Variants in MACROH2A2 observed in about 807,000 individuals in gnomAD.
MACROH2A2 encodes the protein core histone macro-H2A.2.
A neutral mutation model predicts 37.6 loss-of-function variants in MACROH2A2; 6 were observed. The ratio of observed to expected loss-of-function variants is 0.16; its 90% CI spans 0.09 to 0.32. The LOEUF is 0.32. Ranked by LOEUF, MACROH2A2 falls within the 10% of genes least tolerant of loss-of-function variation. The pLI is 1.00. For missense variants in MACROH2A2, 290 were observed against 485.9 expected (o/e 0.60, Z 3.79); for synonymous variants, 192 against 202.7 (o/e 0.95, Z 0.45).
intron 6 of MACROH2A2, among the ~76,000 whole-genome samples, chr10:70,096,276 T>C (rs2072275778): frequency 6.6e-6 from 1 of 152,226 alleles, no homozygotes; most frequent in Non-Finnish European, 1.5e-5. Flanking sequence ...TTTTCCTTGC[T>C]CTGTAGTATT....
intron 2 of MACROH2A2, among the ~76,000 whole-genome samples, chr10:70,080,885 CAAAAAAAAAAAAAAAAA>C (rs149608498): frequency 3.1e-5 from 1 of 31,972 alleles, no homozygotes; most frequent in African/African-American, 1.4e-4. Flanking sequence ...AACTCCATCT[CAAAAAAAAAAAAAAAAA>C]AAAAAAAAAA....
intron 1 of MACROH2A2, among the ~76,000 whole-genome samples, chr10:70,062,470 T>G (rs1305223597): frequency 6.6e-6 from 1 of 152,242 alleles, no homozygotes; most frequent in African/African-American, 2.4e-5. Context: ...AAAACAATGT[T>G]TAAAGTTTTT....
At chr10:70,069,162 A>G (rs2072094737) in intron 1 of MACROH2A2, among the ~76,000 whole-genome samples, 1 of 152,122 alleles carries the variant, frequency 6.6e-6, no homozygotes, top group Admixed American at 6.6e-5. Flanking sequence ...ATAAAATCTA[A>G]CCTGTCGGTG....
chr10:70,070,640 C>T (rs912206520), intron 1 of MACROH2A2, among the ~76,000 whole-genome samples: 4 of 152,166 alleles, frequency 2.6e-5, no homozygotes, highest in African/African-American at 4.8e-5. Context: ...TACAGGCACC[C>T]GCCACCACGC....
intron 2 of MACROH2A2, among the ~76,000 whole-genome samples, chr10:70,089,212 T>C (rs952763075): frequency 6.6e-6 from 1 of 152,226 alleles, no homozygotes; most frequent in African/African-American, 2.4e-5. Flanking sequence ...CCCCACAGAC[T>C]GAGAGGAATT....
intron 5 of MACROH2A2, among the ~76,000 whole-genome samples, chr10:70,094,419 C>A (rs1273745224): frequency 2.0e-5 from 3 of 152,148 alleles, no homozygotes; most frequent in Admixed American, 6.5e-5. Flanking sequence ...TTCATTCCTA[C>A]AAGTGTAAAG....
At chr10:70,058,676 C>G (rs1489090351) in intron 1 of MACROH2A2, among the ~76,000 whole-genome samples, 1 of 151,930 alleles carries the variant, frequency 6.6e-6, no homozygotes, top group Non-Finnish European at 1.5e-5. Flanking sequence ...AATTTTGTAA[C>G]TTGTATTTTG....
At chr10:70,068,726 C>T (rs1211190496) in intron 1 of MACROH2A2, among the ~76,000 whole-genome samples, 1 of 152,202 alleles carries the variant, frequency 6.6e-6, no homozygotes, top group East Asian at 1.9e-4. Context: ...CCCACAGAGG[C>T]CAACTATGGC....
chr10:70,094,909 C>T (rs2072265779), intron 5 of MACROH2A2, among the ~76,000 whole-genome samples: 2 of 152,158 alleles, frequency 1.3e-5, no homozygotes, highest in South Asian at 4.1e-4. Flanking sequence ...GGCTTCAGAG[C>T]CCTGCCCCAC....
At chr10:70,099,834 A>G (rs1175845449) in intron 6 of MACROH2A2, among the ~76,000 whole-genome samples, 2 of 152,172 alleles carry the variant, frequency 1.3e-5, no homozygotes, top group Non-Finnish European at 2.9e-5. Flanking sequence ...CAGTACGTTG[A>G]TGGCACTGTG....
rs1443161020 is a variant in MACROH2A2 at position 70,052,938 on chromosome 10, C to T, written c.-122C>T. 1 of 152,658 alleles carries T rather than the reference C, an allele frequency of 6.6e-6. No homozygotes were observed. Among genetic ancestry groups the T allele is most frequent in the Non-Finnish European group, 1.5e-5 (1 of 68,216 alleles). 9.5% of individuals were successfully genotyped at this position (152,658 alleles called of 1,614,324 possible). ...CGGCACCGGCGCCGCGTGGGCCAAACCTGCGCCCGTGGAGGGGCGCGCAGA... is the reference window on the plus strand; with the variant it reads ...CGGCACCGGCGCCGCGTGGGCCAAATCTGCGCCCGTGGAGGGGCGCGCAGA... On this transcript the variant is annotated 5_prime_UTR_variant, in exon 1 of 9. Coordinates refer to ENST00000373255, the MANE Select transcript of MACROH2A2 (RefSeq NM_018649.3).
At chr10:70,079,583 A>G (rs1417576779) in intron 2 of MACROH2A2, among the ~76,000 whole-genome samples, 3 of 151,520 alleles carry the variant, frequency 2.0e-5, no homozygotes, top group African/African-American at 4.8e-5. Flanking sequence ...ACACACACAC[A>G]CACACACACA....
At chr10:70,084,900 C>A (rs1314193805) in intron 2 of MACROH2A2, among the ~76,000 whole-genome samples, 1 of 152,134 alleles carries the variant, frequency 6.6e-6, no homozygotes, top group Non-Finnish European at 1.5e-5. Flanking sequence ...CTAGGAGCAT[C>A]TTTTTCTAAT....
At chr10:70,067,064 A>G (rs547469919) in intron 1 of MACROH2A2, among the ~76,000 whole-genome samples, 2 of 152,358 alleles carry the variant, frequency 1.3e-5, no homozygotes, top group African/African-American at 4.8e-5. Context: ...GCTATTGGCC[A>G]GAAGCTCAAT....
intron 4 of MACROH2A2, 44 bp downstream of exon 4, chr10:70,091,998 A>G (rs78381857): frequency 0.05 from 72,072 of 1,437,226 alleles, 2,072 homozygotes; most frequent in Non-Finnish European, 0.058. Flanking sequence ...TCCCACTGCA[A>G]TGGTCTGAAT....
At chr10:70,058,927 C>T (rs180736672) in intron 1 of MACROH2A2, among the ~76,000 whole-genome samples, 50 of 147,994 alleles carry the variant, frequency 3.4e-4, no homozygotes, top group Non-Finnish European at 6.1e-4. Context: ...AACCCTATCA[C>T]GACTAAACTG....
At chr10:70,084,350 C>T (rs2072198272) in intron 2 of MACROH2A2, among the ~76,000 whole-genome samples, 2 of 152,178 alleles carry the variant, frequency 1.3e-5, no homozygotes, top group Admixed American at 1.3e-4. Context: ...TGAGAATTTC[C>T]AGCAGATGGT....
chr10:70,059,360 T>C (rs886285493), intron 1 of MACROH2A2, among the ~76,000 whole-genome samples: 10 of 150,230 alleles, frequency 6.7e-5, no homozygotes, highest in African/African-American at 2.4e-4. Flanking sequence ...CTGTTTTATA[T>C]ATTAGAGTAT....
At position 70,090,134 on chromosome 10, in the gene MACROH2A2, C is replaced by A; in HGVS notation, c.247C>A (p.Leu83Met). The A allele has an allele frequency of 1.2e-6, 2 of 1,613,410 alleles. No individual in the cohort carries two copies. Among genetic ancestry groups the A allele is most frequent in the Non-Finnish European group, 1.7e-6 (2 of 1,179,304 alleles). ...KARIAPRHIL[L>M]AVANDEELNQ... ...CCGGATAGCCCCGAGACACATCTTG[C>A]TGGCAGTTGCCAATGACGAGGAGCT... Residue 83 changes from leucine to methionine, a missense_variant, in exon 3 of 9, where the codon CTG (leucine) becomes ATG (methionine). Leu to Met is a conservative substitution (Grantham distance 15). Around this residue, in one of 3 missense-constraint regions of MACROH2A2, gnomAD observed 83 missense variants for 159.9 expected, o/e 0.52. Coordinates refer to ENST00000373255, the MANE Select transcript of MACROH2A2 (RefSeq NM_018649.3).
Sources: allele counts gnomAD v4.1 joint callset (sites outside exome capture counted in the v4.1 genomes callset), GRCh38; gene constraint gnomAD v4.1.1; regional missense constraint gnomAD v4.1.1; transcripts MANE v1.5; gene names NCBI Gene and HGNC (gene_info 2026-07-23, HGNC 2026-07-21).